Variants in ST6GALNAC5 observed in about 807,000 individuals in gnomAD.
ST6GALNAC5 encodes alpha-N-acetylgalactosaminide alpha-2,6-sialyltransferase 5.
In ST6GALNAC5, 27 loss-of-function variants were observed where a neutral mutation model predicts 33.6. The observed-to-expected ratio is 0.80, with a 90% CI of 0.59 to 1.11. The LOEUF (loss-of-function observed/expected upper bound fraction) is 1.11, where lower values mean the gene tolerates loss of function less well. Ranked by LOEUF, ST6GALNAC5 falls within the 50% of genes least tolerant of loss-of-function variation. ST6GALNAC5 has a pLI of 0.00. For missense variants in ST6GALNAC5, 428 were observed against 454.0 expected, an observed-to-expected ratio of 0.94 and a Z score of 0.52; for synonymous variants, 194 against 171.2, an observed-to-expected ratio of 1.13 and a Z score of -1.04.
intron 2 of ST6GALNAC5, among the ~76,000 whole-genome samples, chr1:76,945,940 G>A (rs1489197600): frequency 6.6e-6 from 1 of 152,068 alleles, no homozygotes; most frequent in African/African-American, 2.4e-5. Flanking sequence ...TTGATTCCGG[G>A]AATGAGGCTA....
chr1:76,914,447 A>G (rs1489569398), intron 2 of ST6GALNAC5, among the ~76,000 whole-genome samples: 4 of 152,210 alleles, frequency 2.6e-5, no homozygotes, highest in Admixed American at 2.6e-4. Context: ...ACTCTACTAC[A>G]AGGCTACAGT....
chr1:77,049,931 G>A (rs961597129), intron 3 of ST6GALNAC5, among the ~76,000 whole-genome samples: 8 of 152,144 alleles, frequency 5.3e-5, no homozygotes, highest in South Asian at 2.1e-4. Flanking sequence ...GTTGTTAAAC[G>A]GGGGCTGTCA....
intron 2 of ST6GALNAC5, among the ~76,000 whole-genome samples, chr1:76,982,600 TC>T (rs1239133408): frequency 3.3e-5 from 5 of 152,136 alleles, no homozygotes; most frequent in Non-Finnish European, 7.3e-5. Context: ...CAGGATATTA[TC>T]CAGGAGAACT....
intron 2 of ST6GALNAC5, among the ~76,000 whole-genome samples, chr1:77,001,169 G>C (rs1325134604): frequency 1.3e-4 from 18 of 143,214 alleles, no homozygotes; most frequent in African/African-American, 3.6e-4. Context: ...TTATTTCCTT[G>C]AGCAGTGGTT....
intron 2 of ST6GALNAC5, among the ~76,000 whole-genome samples, chr1:77,012,175 T>A (rs1050063455): frequency 1.3e-5 from 2 of 152,246 alleles, no homozygotes; most frequent in East Asian, 3.9e-4. Flanking sequence ...ATATAAGAAG[T>A]CTGTGGGAAG....
intron 2 of ST6GALNAC5, among the ~76,000 whole-genome samples, chr1:76,869,850 A>G (rs375891700): frequency 1.3e-5 from 2 of 152,372 alleles, no homozygotes. Context: ...AGAACAATAT[A>G]CCATGAAATG....
intron 2 of ST6GALNAC5, among the ~76,000 whole-genome samples, chr1:76,923,459 G>A (rs1266811962): frequency 1.3e-5 from 2 of 152,056 alleles, no homozygotes; most frequent in Admixed American, 1.3e-4. Flanking sequence ...TTGGGAGGCT[G>A]AGGCTGGTGG....
intron 2 of ST6GALNAC5, among the ~76,000 whole-genome samples, chr1:76,880,547 G>C (rs988766341): frequency 6.6e-6 from 1 of 152,144 alleles, no homozygotes; most frequent in African/African-American, 2.4e-5. Context: ...AACAAAAAGA[G>C]CCAGTCCGAG....
At chr1:77,043,374 T>C (rs948199190) in intron 2 of ST6GALNAC5, among the ~76,000 whole-genome samples, 1 of 152,234 alleles carries the variant, frequency 6.6e-6, no homozygotes, top group Admixed American at 6.5e-5. Context: ...ATTGGAGTTG[T>C]CTTTGGTGAA....
At chr1:76,990,532 G>A (rs1649683219) in intron 2 of ST6GALNAC5, among the ~76,000 whole-genome samples, 2 of 152,050 alleles carry the variant, frequency 1.3e-5, no homozygotes. Context: ...TGCCTCAGAG[G>A]AATCATCTTG....
intron 2 of ST6GALNAC5, among the ~76,000 whole-genome samples, chr1:77,039,978 T>C (rs1651780972): frequency 1.3e-5 from 2 of 152,188 alleles, no homozygotes; most frequent in South Asian, 4.1e-4. Context: ...CATGTAAATA[T>C]TGCATCAGGA....
At position 77,044,250 on chromosome 1, in the gene ST6GALNAC5, G is replaced by C. The variant is rs550499040; in HGVS notation, c.308G>C (p.Gly103Ala). The C allele has an allele frequency of 6.2e-7, 1 of 1,613,696 alleles. No homozygotes were observed. The highest frequency in any genetic ancestry group is 1.3e-5 in the African/African-American group (1 of 75,030). Residue 103 changes from glycine (G) to alanine (A), a missense_variant, in exon 3 of 5, where the codon GGG becomes GCG. By Grantham distance (60) the Gly-to-Ala change is moderately conservative (BLOSUM62 0). Coordinates refer to ENST00000477717, the MANE Select transcript of ST6GALNAC5 (RefSeq NM_030965.3). ...CRDCALVTSS[G>A]HLLHSRQGSQ... Reference sequence around the variant, plus strand: ...GACTGTGCCCTGGTGACCAGCTCAGGGCATCTGCTGCACAGTCGGCAAGGC... The same window carrying C: ...GACTGTGCCCTGGTGACCAGCTCAGCGCATCTGCTGCACAGTCGGCAAGGC...
In ST6GALNAC5 at chr1:77,015,239, A is replaced by C. The variant is rs139047419; in HGVS notation, c.262-28965A>C. 2.6e-4 allele frequency among the ~76,000 whole-genome samples: 39 copies of C among 152,326 alleles called. 1 individual carries two copies. Among genetic ancestry groups the C allele is most frequent in the African/African-American group, 9.1e-4 (38 of 41,570 alleles). Reference sequence around the variant, plus strand: ...GAGCTGATGATATAAATCCCAGTCCAAAAGCAGGAGGAGATGAGATGAGAT... The same window carrying C: ...GAGCTGATGATATAAATCCCAGTCCCAAAGCAGGAGGAGATGAGATGAGAT... On this transcript the variant is annotated intron_variant, in intron 2 of 4. Coordinates refer to ENST00000477717, the MANE Select transcript of ST6GALNAC5 (RefSeq NM_030965.3).
At position 77,024,708 on chromosome 1, in the gene ST6GALNAC5, G is replaced by T. The variant is rs540858802; in HGVS notation, c.262-19496G>T. Among the ~76,000 whole-genome samples the T allele has an allele frequency of 2.6e-5, 4 of 152,304 alleles. No individual in the cohort carries two copies. In the South Asian group the frequency reaches 8.3e-4, roughly 32 times the overall value. ...GAAGCTCCCTGCAGAGAACAAAGGGGCAGTGTGGACTGCCTGTGGAGCCTG... is the reference window on the plus strand; with the variant it reads ...GAAGCTCCCTGCAGAGAACAAAGGGTCAGTGTGGACTGCCTGTGGAGCCTG... On this transcript the variant is annotated intron_variant, in intron 2 of 4. Transcript: ENST00000477717.
chr1:76,980,967 A>G (rs1486048297), intron 2 of ST6GALNAC5, among the ~76,000 whole-genome samples: 1 of 152,252 alleles, frequency 6.6e-6, no homozygotes, highest in African/African-American at 2.4e-5. Flanking sequence ...AACAAGTCAT[A>G]TATGTGATAA....
chr1:76,951,777 T>A (rs759627129), intron 2 of ST6GALNAC5, among the ~76,000 whole-genome samples: 17 of 152,184 alleles, frequency 1.1e-4, no homozygotes, highest in Non-Finnish European at 1.9e-4. Context: ...CTAAATTCCA[T>A]GTACCCAATC....
At chr1:76,975,534 T>A (rs150151577) in intron 2 of ST6GALNAC5, among the ~76,000 whole-genome samples, 118 of 152,278 alleles carry the variant, frequency 7.7e-4, no homozygotes, top group African/African-American at 2.7e-3. Context: ...GGAGTTACTT[T>A]AATAGGTGGA....
intron 2 of ST6GALNAC5, among the ~76,000 whole-genome samples, chr1:76,928,500 C>T (rs1557726280): frequency 6.6e-6 from 1 of 152,070 alleles, no homozygotes; most frequent in Admixed American, 6.5e-5. Context: ...ACATTGGCTC[C>T]ATTGCCTTAC....
In ST6GALNAC5 at chr1:77,063,174, A is replaced by C; in HGVS notation, c.979A>C (p.Ile327Leu). Residue 327 changes from isoleucine to leucine, a missense_variant, in exon 5 of 5, where the codon ATA becomes CTA. Coordinates refer to ENST00000477717, the MANE Select transcript of ST6GALNAC5 (RefSeq NM_030965.3). ...AGACTGGAAACCAGAATCACTTGCTATAAATCATCCTGAGAATAAACCTGT... is the reference window on the plus strand; with the variant it reads ...AGACTGGAAACCAGAATCACTTGCTCTAAATCATCCTGAGAATAAACCTGT... ...QPDWKPESLA[I>L]NHPENKPVF The C allele has an allele frequency of 1.2e-6, 2 of 1,613,762 alleles. No homozygotes were observed. Among genetic ancestry groups the C allele is most frequent in the Non-Finnish European group, 1.7e-6 (2 of 1,179,782 alleles).
Sources: gnomAD v4.1 joint callset for allele counts (sites outside exome capture counted in the v4.1 genomes callset) on GRCh38, gnomAD v4.1.1 for gene constraint, MANE v1.5 for transcripts, NCBI Gene and HGNC (gene_info 2026-07-23, HGNC 2026-07-21) for gene names.